ACAP2: variants seen among roughly 807,000 people sequenced by gnomAD.
The protein encoded by ACAP2 is ArfGAP with coiled-coil, ankyrin repeat and PH domains 2, also known as arf-GAP with coiled-coil, ANK repeat and PH domain-containing protein 2.
A neutral mutation model predicts 115.8 loss-of-function variants in ACAP2; 39 were observed. The observed-to-expected ratio is 0.34, with a 90% CI of 0.26 to 0.44. ACAP2 has a LOEUF of 0.44. Ranked by LOEUF, ACAP2 falls within the 20% of genes least tolerant of loss-of-function variation. The pLI is 1.00. For synonymous variants in ACAP2, 289 were observed against 315.8 expected, an observed-to-expected ratio of 0.92 and a Z score of 0.90; for missense variants, 662 against 927.6, an observed-to-expected ratio of 0.71 and a Z score of 3.72.
intron 2 of ACAP2, among the ~76,000 whole-genome samples, chr3:195,382,313 C>T (rs1733998967): frequency 6.6e-6 from 1 of 151,894 alleles, no homozygotes; most frequent in Non-Finnish European, 1.5e-5. Flanking sequence ...GCTTAGTGAT[C>T]ATTTCAATAT....
intron 2 of ACAP2, among the ~76,000 whole-genome samples, chr3:195,391,229 T>TTTC (rs201858024): frequency 0.35 from 36,110 of 102,054 alleles, 4,762 homozygotes; most frequent in East Asian, 0.71. Flanking sequence ...CTTCTCTTTC[T>TTTC]TTTTTTTTTT....
chr3:195,389,852 A>T (rs79447129), intron 2 of ACAP2, among the ~76,000 whole-genome samples: 3,615 of 152,310 alleles, frequency 0.024, 146 homozygotes, highest in African/African-American at 0.082. Context: ...TGCTCCCCCA[A>T]CGCGGATCCT....
intron 10 of ACAP2, among the ~76,000 whole-genome samples, chr3:195,309,750 T>C (rs1366797232): frequency 6.6e-6 from 1 of 152,164 alleles, no homozygotes; most frequent in Non-Finnish European, 1.5e-5. Context: ...CTAAGTAAAA[T>C]AATCAAAGTT....
intron 1 of ACAP2, among the ~76,000 whole-genome samples, chr3:195,397,736 G>A (rs923920878): frequency 1.3e-5 from 2 of 152,064 alleles, no homozygotes; most frequent in Non-Finnish European, 2.9e-5. Context: ...CCACAGAGAC[G>A]TATGACAAAT....
At position 195,292,496 on chromosome 3, in the gene ACAP2, C is replaced by A. The variant is rs370124156; in HGVS notation, c.1766-44G>T. 89 of 1,530,684 alleles carry A rather than the reference C, an allele frequency of 5.8e-5. No homozygotes were observed. In the African/African-American group the frequency reaches 1.1e-3, roughly 19 times the overall value. 94.8% of individuals were successfully genotyped at this position (1,530,684 alleles called of 1,614,324 possible). On this transcript the variant is annotated intron_variant, in intron 18 of 22. Transcript: ENST00000326793. ...CACATCAATAAAAATGAGCTCTTGG[C>A]AGAAAAAGAAAAAATTATTTAATAG... is the stretch of plus-strand genomic sequence containing the variant.
In ACAP2 at chr3:195,294,819, A is replaced by G. The variant is rs770265838; in HGVS notation, c.1673-8T>C. The G allele has an allele frequency of 6.4e-7, 1 of 1,560,616 alleles. No homozygotes were observed. The highest frequency in any genetic ancestry group is 1.1e-5 in the South Asian group (1 of 89,570). ...CACTGTCATTACTTCTGACTGTTTTAAAGAAAAATTAACTAATGATTAAAG... is the reference window on the plus strand; with the variant it reads ...CACTGTCATTACTTCTGACTGTTTTGAAGAAAAATTAACTAATGATTAAAG... On this transcript the variant is annotated splice_region_variant and splice_polypyrimidine_tract_variant and intron_variant, in intron 17 of 22. Transcript: ENST00000326793.
intron 8 of ACAP2, among the ~76,000 whole-genome samples, chr3:195,331,383 G>A (rs1730156802): frequency 1.3e-5 from 2 of 151,564 alleles, no homozygotes; most frequent in Non-Finnish European, 1.5e-5. Flanking sequence ...CCAGGCTGGA[G>A]TACAATGGCC....
chr3:195,281,686 TA>T (rs1560195778), intron 22 of ACAP2, among the ~76,000 whole-genome samples: 2 of 152,204 alleles, frequency 1.3e-5, no homozygotes, highest in South Asian at 4.1e-4. Context: ...ACAATCCAAT[TA>T]TACCCATGGT....
At chr3:195,295,917 T>A in intron 16 of ACAP2, 25 bp from the exon 17 acceptor site, 2 of 1,586,846 alleles carry the variant, frequency 1.3e-6, no homozygotes, top group Non-Finnish European at 1.7e-6. Context: ...AATGTCATGA[T>A]GTTTTGCTTA....
chr3:195,393,493 G>C (rs1384877803), intron 1 of ACAP2, among the ~76,000 whole-genome samples: 1 of 152,214 alleles, frequency 6.6e-6, no homozygotes, highest in Non-Finnish European at 1.5e-5. Context: ...ATGATAAAAT[G>C]AGATGCTCTA....
intron 1 of ACAP2, among the ~76,000 whole-genome samples, chr3:195,428,646 T>C (rs1243390422): frequency 6.6e-6 from 1 of 152,154 alleles, no homozygotes; most frequent in Non-Finnish European, 1.5e-5. Flanking sequence ...ATACACCCTA[T>C]GATGTTTACA....
At chr3:195,428,338 A>G (rs199913259) in intron 1 of ACAP2, among the ~76,000 whole-genome samples, 16 of 130,678 alleles carry the variant, frequency 1.2e-4, no homozygotes, top group African/African-American at 1.8e-4. Context: ...GTGTGTGTGT[A>G]TATATATATA....
At chr3:195,288,668 G>A (rs923556977) in intron 21 of ACAP2, among the ~76,000 whole-genome samples, 1 of 152,078 alleles carries the variant, frequency 6.6e-6, no homozygotes, top group African/African-American at 2.4e-5. Context: ...GACCAGCCTG[G>A]CCAACATGGT....
At chr3:195,298,691 G>C (rs140333256) in intron 15 of ACAP2, among the ~76,000 whole-genome samples, 4,216 of 152,082 alleles carry the variant, frequency 0.028, 186 homozygotes, top group African/African-American at 0.095. Context: ...GAGTGCAATG[G>C]CACAATCTCG....
At chr3:195,400,697 T>C (rs1393827775) in intron 1 of ACAP2, among the ~76,000 whole-genome samples, 1 of 152,076 alleles carries the variant, frequency 6.6e-6, no homozygotes, top group Non-Finnish European at 1.5e-5. Flanking sequence ...TCACAGGCAA[T>C]ACATCTAAGG....
chr3:195,373,698 G>A (rs1231380478), intron 4 of ACAP2, among the ~76,000 whole-genome samples: 3 of 152,166 alleles, frequency 2.0e-5, no homozygotes, highest in Non-Finnish European at 4.4e-5. Context: ...GGGAGGCCGA[G>A]GCGGGTGGAT....
chr3:195,396,220 C>T (rs1198396067), intron 1 of ACAP2, among the ~76,000 whole-genome samples: 1 of 151,560 alleles, frequency 6.6e-6, no homozygotes, highest in East Asian at 1.9e-4. Flanking sequence ...CACTGCACTC[C>T]AGCCTGGGAC....
At position 195,389,776 on chromosome 3, in the gene ACAP2, T is replaced by C. The variant is rs538675229; in HGVS notation, c.111+2314A>G. On this transcript the variant is annotated intron_variant, in intron 2 of 22. Transcript: ENST00000326793. ...ATAATCTCCTTATCCAAAATTAAAATATTAATTTTTACAAAGACTTGCTGG... is the reference window on the plus strand; with the variant it reads ...ATAATCTCCTTATCCAAAATTAAAACATTAATTTTTACAAAGACTTGCTGG... 2.0e-5 allele frequency among the ~76,000 whole-genome samples: 3 copies of C among 152,344 alleles called. No individual in the cohort carries two copies. In the East Asian group the frequency reaches 5.8e-4, roughly 29 times the overall value.
intron 2 of ACAP2, among the ~76,000 whole-genome samples, chr3:195,385,063 C>T (rs1734203879): frequency 6.6e-6 from 1 of 151,880 alleles, no homozygotes; most frequent in Non-Finnish European, 1.5e-5. Context: ...CTGTATCACA[C>T]ATAACAATGG....
Sources: allele counts gnomAD v4.1 joint callset (sites outside exome capture counted in the v4.1 genomes callset), GRCh38; gene constraint gnomAD v4.1.1; transcripts MANE v1.5; gene names NCBI Gene and HGNC (gene_info 2026-07-23, HGNC 2026-07-21).